POLA2: variants seen among roughly 807,000 people sequenced by gnomAD.
POLA2 encodes DNA polymerase alpha 2, accessory subunit.
POLA2 carries 47 observed loss-of-function variants against 82.8 expected under a neutral mutation model. The observed-to-expected ratio is 0.57, with a 90% CI of 0.45 to 0.72. The LOEUF is 0.72. Ranked by LOEUF, POLA2 falls within the 30% of genes least tolerant of loss-of-function variation. POLA2 has a pLI of 0.00. For missense variants in POLA2, 634 were observed against 728.1 expected (o/e 0.87, Z 1.49); for synonymous variants, 287 against 286.8 (o/e 1.00, Z -0.01).
chr11:65,276,082 G>A (rs1309449946), intron 5 of POLA2, 84 bp downstream of exon 5: 13 of 695,136 alleles, frequency 1.9e-5, no homozygotes, highest in Non-Finnish European at 2.6e-5. Flanking sequence ...TAACAGCAGA[G>A]TTATTAATTA....
Position 65,266,401 on chromosome 11 carries a change from C to G in POLA2, c.80-181C>G, listed in dbSNP as rs1051711731. ...TCTGCCCTTATCCTCTTTTGTCTCC[C>G]CTCAGTGGTGAGCTTTGTAAGGACA... On this transcript the variant is annotated intron_variant, in intron 1 of 17. Coordinates refer to ENST00000265465, the MANE Select transcript of POLA2 (RefSeq NM_002689.4). 8 of 600,680 alleles carry G rather than the reference C, an allele frequency of 1.3e-5. No individual in the cohort carries two copies. In the African/African-American group the frequency reaches 1.5e-4, roughly 11 times the overall value. The allele number at this position is 600,680 out of a possible 1,614,324, so 37.2% of individuals were successfully genotyped here. A position where few individuals can be genotyped will look rare whatever the true frequency, so the allele number is the denominator to read the frequency against.
intron 13 of POLA2, 106 bp downstream of exon 13, chr11:65,289,978 G>C: frequency 1.4e-6 from 1 of 713,196 alleles, no homozygotes; most frequent in Non-Finnish European, 2.5e-6. Context: ...GCCAGGCTCA[G>C]TGGATCACAC....
At chr11:65,267,433 T>C in intron 2 of POLA2, 44 bp from the exon 3 acceptor site, 1 of 1,184,292 alleles carries the variant, frequency 8.4e-7, no homozygotes, top group Non-Finnish European at 1.2e-6. Context: ...CCTCTGCTAT[T>C]ACTTGACTAT....
intron 13 of POLA2, among the ~76,000 whole-genome samples, chr11:65,293,334 G>A (rs1303007487): frequency 6.6e-6 from 1 of 152,156 alleles, no homozygotes; most frequent in Admixed American, 6.5e-5. Context: ...GCCAGGCCAG[G>A]TGTGGTGGCT....
intron 6 of POLA2, 52 bp downstream of exon 6, chr11:65,278,975 G>A: frequency 1.3e-6 from 2 of 1,516,964 alleles, no homozygotes; most frequent in East Asian, 2.3e-5. Flanking sequence ...ACCTAGAAGG[G>A]TGTAGAGTAA....
chr11:65,294,030 C>G (rs1949782758), intron 13 of POLA2, 123 bp from the exon 14 acceptor site: 1 of 803,354 alleles, frequency 1.2e-6, no homozygotes, highest in African/African-American at 1.7e-5. Flanking sequence ...GAGTGCAGTT[C>G]TGAGCTGCCT....
At chr11:65,295,827 G>A (rs1182554264) in intron 16 of POLA2, 37 bp from the exon 17 acceptor site, 1 of 1,594,034 alleles carries the variant, frequency 6.3e-7, no homozygotes, top group African/African-American at 1.3e-5. Context: ...GGGCCCCCCG[G>A]TCAGCTAGTG....
intron 11 of POLA2, among the ~76,000 whole-genome samples, chr11:65,288,435 T>G (rs1342493741): frequency 6.6e-6 from 1 of 152,066 alleles, no homozygotes; most frequent in Non-Finnish European, 1.5e-5. Context: ...CTATTATTAG[T>G]ATGGTGATCA....
At chr11:65,301,428 G>A (rs1370215648), downstream of POLA2, among the ~76,000 whole-genome samples, 1 of 152,060 alleles carries the variant, frequency 6.6e-6, no homozygotes, top group African/African-American at 2.4e-5. Context: ...GGTGGTTTGA[G>A]GGGAGAGGGG....
intron 3 of POLA2, 99 bp downstream of exon 3, chr11:65,267,667 G>C (rs927964759): frequency 1.4e-6 from 1 of 727,148 alleles, no homozygotes; most frequent in Admixed American, 3.0e-5. Flanking sequence ...TAATAAGGCC[G>C]GGCACGGTGG....
chr11:65,282,348 C>G (rs890028943), intron 9 of POLA2, 131 bp from the exon 10 acceptor site: 19 of 734,720 alleles, frequency 2.6e-5, no homozygotes, highest in Non-Finnish European at 4.6e-5. Context: ...ACATCCTTCC[C>G]CTGCCCTCTC....
Position 65,279,598 on chromosome 11 carries a change from C to G in POLA2, c.716C>G (p.Ala239Gly). The part of the protein sequence containing the change: ...SELKEHYKIE[A>G]FTPLLAPAQE... ...CTCAAGGAACATTACAAGATTGAAG[C>G]TTTCACTCCTTTGCTAGCCCCAGCA... is the stretch of plus-strand genomic sequence containing the variant. Residue 239 changes from alanine (A) to glycine (G), a missense_variant, in exon 7 of 18, where the codon GCT becomes GGT. Coordinates refer to ENST00000265465, the MANE Select transcript of POLA2 (RefSeq NM_002689.4). 6.2e-7 allele frequency: 1 copy of G among 1,613,340 alleles called. No homozygotes were observed. The highest frequency in any genetic ancestry group is 8.5e-7 in the Non-Finnish European group (1 of 1,179,314).
chr11:65,280,031 TATA>T (rs1362433316), intron 7 of POLA2: 2 of 169,450 alleles, frequency 1.2e-5, no homozygotes, highest in African/African-American at 4.8e-5. Context: ...GGTCTCTTGT[TATA>T]GACAAACTGC....
chr11:65,282,113 T>C (rs539609619), intron 9 of POLA2, among the ~76,000 whole-genome samples: 5 of 152,302 alleles, frequency 3.3e-5, no homozygotes, highest in African/African-American at 1.2e-4. Flanking sequence ...TAGGCAACAA[T>C]CCTCCAGAGA....
At chr11:65,290,519 A>G (rs1949743929) in intron 13 of POLA2, among the ~76,000 whole-genome samples, 1 of 152,182 alleles carries the variant, frequency 6.6e-6, no homozygotes. Flanking sequence ...CTGGGCAACA[A>G]GAACAAAACT....
At chr11:65,274,940 A>C (rs1949561065) in intron 4 of POLA2, among the ~76,000 whole-genome samples, 1 of 152,034 alleles carries the variant, frequency 6.6e-6, no homozygotes, top group East Asian at 1.9e-4. Flanking sequence ...TGATCCTCCC[A>C]CCTTGACCTC....
intron 13 of POLA2, among the ~76,000 whole-genome samples, chr11:65,292,705 G>A (rs1269191258): frequency 6.6e-6 from 1 of 152,206 alleles, no homozygotes; most frequent in Non-Finnish European, 1.5e-5. Flanking sequence ...CTGATTTTCT[G>A]TTATAGACAT....
chr11:65,296,125 G>A, intron 17 of POLA2, 135 bp downstream of exon 17: 1 of 896,910 alleles, frequency 1.1e-6, no homozygotes, highest in Admixed American at 2.1e-5. Flanking sequence ...CTGTGGCCTT[G>A]TTTCTTTGGG....
intron 3 of POLA2, among the ~76,000 whole-genome samples, 159 bp from the exon 4 acceptor site, chr11:65,268,513 G>T (rs1263839807): frequency 6.6e-6 from 1 of 151,506 alleles, no homozygotes; most frequent in African/African-American, 2.4e-5. Context: ...CTAATTTTTT[G>T]TATTTTTTTT....
Sources: gnomAD v4.1 joint callset for allele counts (sites outside exome capture counted in the v4.1 genomes callset) on GRCh38, gnomAD v4.1.1 for gene constraint, MANE v1.5 for transcripts, NCBI Gene and HGNC (gene_info 2026-07-23, HGNC 2026-07-21) for gene names.